WDR72: variants seen among roughly 807,000 people sequenced by gnomAD.
The protein encoded by WDR72 is WD repeat domain 72.
In WDR72, 120 loss-of-function variants were observed where a neutral mutation model predicts 124.2. That is an observed-to-expected ratio of 0.97 (90% CI 0.83 to 1.12). WDR72 has a LOEUF of 1.12. WDR72 is among the 50% of genes most tolerant of loss of function. The pLI is 0.00. For missense variants in WDR72, 1,387 were observed against 1,278.8 expected, an observed-to-expected ratio of 1.08 and a Z score of -1.29; for synonymous variants, 452 against 441.7, an observed-to-expected ratio of 1.02 and a Z score of -0.29.
chr15:53,533,998 C>T (rs1343097725), intron 18 of WDR72, among the ~76,000 whole-genome samples: 1 of 152,086 alleles, frequency 6.6e-6, no homozygotes, highest in African/African-American at 2.4e-5. Flanking sequence ...GGAAGCAAGA[C>T]ATTTTAGACA....
chr15:53,664,687 C>T (rs1567013268), intron 14 of WDR72, among the ~76,000 whole-genome samples: 1 of 152,054 alleles, frequency 6.6e-6, no homozygotes, highest in Non-Finnish European at 1.5e-5. Context: ...AAAAATATAT[C>T]CTTTAAATAA....
chr15:53,556,856 T>G (rs1595758714), intron 18 of WDR72, among the ~76,000 whole-genome samples: 4 of 152,072 alleles, frequency 2.6e-5, no homozygotes, highest in African/African-American at 9.7e-5. Flanking sequence ...TGTGGAAAGG[T>G]TACACACTCA....
intron 18 of WDR72, among the ~76,000 whole-genome samples, chr15:53,545,281 A>T (rs867837177): frequency 0.01 from 1,533 of 151,748 alleles, 10 homozygotes; most frequent in Middle Eastern, 0.02. Context: ...GGCTACAGTA[A>T]CCAAAACAGC....
At chr15:53,706,367 T>TGC (rs2017370376) in intron 9 of WDR72, among the ~76,000 whole-genome samples, 1 of 50,636 alleles carries the variant, frequency 2.0e-5, no homozygotes, top group Non-Finnish European at 4.0e-5. Context: ...TATATATATA[T>TGC]ATATATATAT....
At chr15:53,528,426 A>G (rs1381449726) in intron 18 of WDR72, among the ~76,000 whole-genome samples, 1 of 152,074 alleles carries the variant, frequency 6.6e-6, no homozygotes, top group African/African-American at 2.4e-5. Context: ...TTTATAACTA[A>G]TAACTATTTT....
intron 18 of WDR72, among the ~76,000 whole-genome samples, chr15:53,557,109 G>C (rs932391336): frequency 2.0e-5 from 3 of 152,012 alleles, no homozygotes; most frequent in African/African-American, 7.2e-5. Flanking sequence ...CACTTTAAAG[G>C]TAATTTGCTT....
chr15:53,527,848 C>CA, intron 18 of WDR72, among the ~76,000 whole-genome samples: 1 of 151,894 alleles, frequency 6.6e-6, no homozygotes, highest in Non-Finnish European at 1.5e-5. Flanking sequence ...AAAAAGAACT[C>CA]AAAGATTTGA....
At chr15:53,658,972 C>G (rs975790986) in intron 14 of WDR72, among the ~76,000 whole-genome samples, 4 of 152,190 alleles carry the variant, frequency 2.6e-5, no homozygotes, top group Non-Finnish European at 5.9e-5. Flanking sequence ...TGGCTGCTGT[C>G]AAAGCCACTC....
intron 18 of WDR72, among the ~76,000 whole-genome samples, chr15:53,572,955 A>G (rs752545441): frequency 1.3e-5 from 2 of 152,216 alleles, no homozygotes; most frequent in Admixed American, 1.3e-4. Flanking sequence ...AACAAAATCA[A>G]GGGAAGCAGT....
chr15:53,757,023 C>T (rs1595892190), intron 1 of WDR72, among the ~76,000 whole-genome samples: 1 of 149,632 alleles, frequency 6.7e-6, no homozygotes, highest in Non-Finnish European at 1.5e-5. Context: ...TTCAAAGGGG[C>T]CCAAATGTCT....
chr15:53,740,362 C>G (rs1275247044), intron 1 of WDR72, among the ~76,000 whole-genome samples: 1 of 148,716 alleles, frequency 6.7e-6, no homozygotes, highest in Non-Finnish European at 1.5e-5. Flanking sequence ...GGCTGGAGTG[C>G]AGTGGCGCGA....
chr15:53,522,421 G>A (rs1011517599), intron 19 of WDR72, among the ~76,000 whole-genome samples: 1 of 151,952 alleles, frequency 6.6e-6, no homozygotes, highest in Admixed American at 6.6e-5. Flanking sequence ...ATTAAGTGGA[G>A]GAGATATTTA....
At chr15:53,568,212 G>C (rs545816050) in intron 18 of WDR72, among the ~76,000 whole-genome samples, 38 of 151,180 alleles carry the variant, frequency 2.5e-4, no homozygotes, top group Non-Finnish European at 4.7e-4. Context: ...TATGGGGATC[G>C]TATGTGGGGA....
intron 2 of WDR72, among the ~76,000 whole-genome samples, chr15:53,724,977 T>C (rs2017980212): frequency 6.6e-6 from 1 of 151,984 alleles, no homozygotes; most frequent in Admixed American, 6.6e-5. Flanking sequence ...ATCTTTCTTA[T>C]TTATATAAAA....
In WDR72 at chr15:53,701,989, T is replaced by C. The variant is rs191654001; in HGVS notation, c.1569+145A>G. ...TAGAAAGATTAGAAATAAATATATA[T>C]GAATCATCCAGTTGTATTATAAGTA... On this transcript the variant is annotated intron_variant, in intron 12 of 19. Transcript: ENST00000360509. 121 of 531,356 alleles carry C rather than the reference T, an allele frequency of 2.3e-4. 1 individual carries two copies. The East Asian group carries it at 3.9e-3, about 17-fold the overall frequency. 32.9% of individuals were successfully genotyped at this position (531,356 alleles called of 1,614,324 possible). A position where few individuals can be genotyped will look rare whatever the true frequency, so the allele number is the denominator to read the frequency against.
At chr15:53,712,746 G>C in intron 7 of WDR72, 26 bp downstream of exon 7, 1 of 1,603,212 alleles carries the variant, frequency 6.2e-7, no homozygotes, top group Non-Finnish European at 8.5e-7. Context: ...TACATCACTG[G>C]TATTTATTAT....
At chr15:53,708,911 A>G (rs891444064) in intron 9 of WDR72, among the ~76,000 whole-genome samples, 1 of 152,198 alleles carries the variant, frequency 6.6e-6, no homozygotes. Context: ...ATCCTCATGC[A>G]GCTGCTGGAA....
At chr15:53,699,604 C>A (rs1260880280) in intron 13 of WDR72, 146 bp downstream of exon 13, 3 of 805,218 alleles carry the variant, frequency 3.7e-6, no homozygotes, top group South Asian at 3.4e-5. Flanking sequence ...TGCACACATG[C>A]CTTTAACTGA....
At chr15:53,649,080 T>C (rs4774671) in intron 14 of WDR72, among the ~76,000 whole-genome samples, 28,804 of 152,056 alleles carry the variant, frequency 0.19, 3,145 homozygotes, top group East Asian at 0.28. Flanking sequence ...TGTGGCCTAT[T>C]ATAGTCAATT....
Sources: allele counts gnomAD v4.1 joint callset (sites outside exome capture counted in the v4.1 genomes callset), GRCh38; gene constraint gnomAD v4.1.1; transcripts MANE v1.5; gene names NCBI Gene and HGNC (gene_info 2026-07-23, HGNC 2026-07-21).